CCDC169: variants seen among roughly 807,000 people sequenced by gnomAD.
CCDC169 encodes coiled-coil domain containing 169.
Under a neutral mutation model 36.0 loss-of-function variants are expected in CCDC169, and 30 were observed. That is an observed-to-expected ratio of 0.83 (90% CI 0.62 to 1.13). The LOEUF is 1.13. Among genes scored for constraint, CCDC169 ranks in the 50% most tolerant of loss-of-function variants. CCDC169 has a pLI of 0.00. For synonymous variants in CCDC169, 85 were observed against 81.5 expected (o/e 1.04, Z -0.23); for missense variants, 245 against 245.9 (o/e 1.00, Z 0.03).
At chr13:36,269,977 C>T (rs191474754) in intron 4 of CCDC169, among the ~76,000 whole-genome samples, 112 of 152,218 alleles carry the variant, frequency 7.4e-4, no homozygotes, top group Admixed American at 5.9e-3. Context: ...AAGAGGAATC[C>T]GAACTATTGC....
chr13:36,250,875 CT>C (rs922535029), intron 6 of CCDC169, among the ~76,000 whole-genome samples: 29 of 152,144 alleles, frequency 1.9e-4, no homozygotes, highest in Admixed American at 8.5e-4. Context: ...ACAATTAGAA[CT>C]TCCCGATAAT....
At chr13:36,262,439 G>T (rs1193732618) in intron 4 of CCDC169, among the ~76,000 whole-genome samples, 1 of 152,102 alleles carries the variant, frequency 6.6e-6, no homozygotes, top group Non-Finnish European at 1.5e-5. Flanking sequence ...GCCCTGTCCT[G>T]GTAGTCTTGG....
At chr13:36,282,028 TCAA>T (rs775734815) in intron 4 of CCDC169, among the ~76,000 whole-genome samples, 13 of 152,218 alleles carry the variant, frequency 8.5e-5, no homozygotes, top group African/African-American at 2.9e-4. Flanking sequence ...CATATACTAG[TCAA>T]CAACGAGTGC....
At chr13:36,232,449 A>G (rs1870538687) in intron 7 of CCDC169, among the ~76,000 whole-genome samples, 1 of 152,172 alleles carries the variant, frequency 6.6e-6, no homozygotes. Flanking sequence ...TGCCAGAGGT[A>G]GTAGATAACA....
At position 36,247,828 on chromosome 13, in the gene CCDC169, T is replaced by C. The variant is rs531785610; in HGVS notation, c.545+778A>G. 1.0e-3 allele frequency among the ~76,000 whole-genome samples: 158 copies of C among 152,288 alleles called. 1 individual carries two copies. Among genetic ancestry groups the C allele is most frequent in the Non-Finnish European group, 1.6e-3 (109 of 68,024 alleles). Reference sequence around the variant, plus strand: ...CTTGGTTGATAAATCAGCAGCAGAGTTTGAAAGGACTATGCCAATTTTGAA... The same window carrying C: ...CTTGGTTGATAAATCAGCAGCAGAGCTTGAAAGGACTATGCCAATTTTGAA... On this transcript the variant is annotated intron_variant, in intron 7 of 7. Transcript: ENST00000239859.
At chr13:36,248,530 A>G (rs1178930873) in intron 7 of CCDC169, 76 bp downstream of exon 7, 1 of 1,374,056 alleles carries the variant, frequency 7.3e-7, no homozygotes, top group Non-Finnish European at 1.0e-6. Context: ...TCCAAAATAT[A>G]GTGGACACCT....
intron 4 of CCDC169, among the ~76,000 whole-genome samples, chr13:36,255,388 G>C (rs1372654748): frequency 1.3e-5 from 2 of 152,158 alleles, no homozygotes; most frequent in African/African-American, 4.8e-5. Flanking sequence ...CTGCTCCCTG[G>C]TGTGGTGGCT....
At chr13:36,290,083 T>G (rs1038414342) in intron 2 of CCDC169, among the ~76,000 whole-genome samples, 2 of 152,164 alleles carry the variant, frequency 1.3e-5, no homozygotes, top group African/African-American at 4.8e-5. Context: ...GTTACAGGGC[T>G]TTGACTCCTG....
At chr13:36,246,347 T>C (rs543065949) in intron 7 of CCDC169, among the ~76,000 whole-genome samples, 38 of 152,340 alleles carry the variant, frequency 2.5e-4, no homozygotes, top group African/African-American at 8.4e-4. Flanking sequence ...AGCACCACTC[T>C]AGTGAACACA....
At chr13:36,291,973 GT>G (rs1878949101) in intron 2 of CCDC169, among the ~76,000 whole-genome samples, 1 of 149,748 alleles carries the variant, frequency 6.7e-6, no homozygotes, top group Non-Finnish European at 1.5e-5. Context: ...AAACTTGTGT[GT>G]TGTCAATAAG....
chr13:36,280,455 C>T (rs569441778), intron 4 of CCDC169: 1 of 152,044 alleles, frequency 6.6e-6, no homozygotes, highest in South Asian at 2.1e-4. Context: ...ATTCACATTC[C>T]AACACAATGG....
At chr13:36,281,147 G>A (rs67248236) in intron 4 of CCDC169, 60,068 of 360,924 alleles carry the variant, frequency 0.17, 5,503 homozygotes, top group African/African-American at 0.24. Context: ...CTTTAAACAC[G>A]AGGACAAAAG....
At chr13:36,291,101 T>A (rs1448350843) in intron 2 of CCDC169, among the ~76,000 whole-genome samples, 1 of 152,130 alleles carries the variant, frequency 6.6e-6, no homozygotes, top group African/African-American at 2.4e-5. Context: ...AGTGGAGGGT[T>A]GGACATGCCA....
At chr13:36,229,428 T>G (rs943299937), downstream of CCDC169, among the ~76,000 whole-genome samples, 1 of 152,076 alleles carries the variant, frequency 6.6e-6, no homozygotes, top group Non-Finnish European at 1.5e-5. Flanking sequence ...TGATATTTTA[T>G]CCCAGTGATT....
At chr13:36,231,721 T>G (rs2138378411) in intron 7 of CCDC169, among the ~76,000 whole-genome samples, 1 of 152,292 alleles carries the variant, frequency 6.6e-6, no homozygotes, top group East Asian at 1.9e-4. Flanking sequence ...CTAAAAACTT[T>G]CTTAGGGGGT....
chr13:36,257,441 C>T (rs1874036808), intron 4 of CCDC169, among the ~76,000 whole-genome samples: 1 of 152,168 alleles, frequency 6.6e-6, no homozygotes, highest in Non-Finnish European at 1.5e-5. Context: ...CGTGGTGGCT[C>T]ATGCCTGTAA....
chr13:36,296,006 G>A, intron 1 of CCDC169, 149 bp from the exon 2 acceptor site: 1 of 538,384 alleles, frequency 1.9e-6, no homozygotes, highest in South Asian at 2.8e-5. Flanking sequence ...CTCAGGCAAA[G>A]GAAGGCTTCC....
chr13:36,267,186 C>T (rs1430834856), intron 4 of CCDC169: 1 of 152,152 alleles, frequency 6.6e-6, no homozygotes, highest in African/African-American at 2.4e-5. Context: ...TTCTGCAGCA[C>T]ATATACTAAA....
At chr13:36,297,226 T>C (rs1297175906) in intron 1 of CCDC169, among the ~76,000 whole-genome samples, 6 of 151,994 alleles carry the variant, frequency 3.9e-5, no homozygotes. Context: ...ACAGTTTTAC[T>C]AAATGTCATT....
Sources: allele counts gnomAD v4.1 joint callset (sites outside exome capture counted in the v4.1 genomes callset), GRCh38; gene constraint gnomAD v4.1.1; transcripts MANE v1.5; gene names NCBI Gene and HGNC (gene_info 2026-07-23, HGNC 2026-07-21).